Variants in TANGO2 observed in about 807,000 individuals in gnomAD.
The protein encoded by TANGO2 is transport and golgi organization 2 homolog.
In TANGO2, 26 loss-of-function variants were observed where a neutral mutation model predicts 39.1. The observed-to-expected ratio is 0.67, with a 90% CI of 0.49 to 0.92. The LOEUF is 0.92. TANGO2 is among the 40% of genes least tolerant of loss of function. The pLI is 0.00. For synonymous variants in TANGO2, 131 were observed against 144.5 expected, an observed-to-expected ratio of 0.91 and a Z score of 0.67; for missense variants, 326 against 360.1, an observed-to-expected ratio of 0.91 and a Z score of 0.77.
upstream of TANGO2, among the ~76,000 whole-genome samples, chr22:20,018,702 G>A (rs114434965): frequency 6.2e-3 from 940 of 152,318 alleles, 10 homozygotes; most frequent in African/African-American, 0.022. Flanking sequence ...GAGGTCAGAG[G>A]ATGTCGGGGC....
intron 3 of TANGO2, among the ~76,000 whole-genome samples, chr22:20,046,787 A>G (rs1394306752): frequency 6.6e-6 from 1 of 152,064 alleles, no homozygotes; most frequent in East Asian, 1.9e-4. Context: ...TCCTAACGCT[A>G]TCCTTCCCCC....
chr22:20,029,913 G>C (rs546439867), intron 1 of TANGO2, among the ~76,000 whole-genome samples: 1 of 152,300 alleles, frequency 6.6e-6, no homozygotes, highest in African/African-American at 2.4e-5. Flanking sequence ...TCACAAAGGC[G>C]ACCTCTTTTG....
rs760638813 is a variant in TANGO2, at chr22:20,064,568, C to T, written c.737C>T (p.Ala246Val). The T allele has an allele frequency of 2.1e-5, 34 of 1,614,128 alleles. No individual in the cohort carries two copies. Among genetic ancestry groups the T allele is most frequent in the Non-Finnish European group, 2.5e-5 (30 of 1,179,986 alleles). The change falls in exon 9 of 9, where the codon GCG (alanine) becomes GTG (valine). Residue 246 changes from alanine to valine, a missense_variant. Coordinates refer to ENST00000327374, the MANE Select transcript of TANGO2 (RefSeq NM_152906.7). ...ACCAACACTATCATCCTGGTAGATG[C>T]GGACGGCCACGTGACCTTCACTGAG... is the stretch of plus-strand genomic sequence containing the variant. ...TRTNTIILVD[A>V]DGHVTFTERS... is the part of the protein sequence containing the mutation.
intron 1 of TANGO2, among the ~76,000 whole-genome samples, chr22:20,022,224 G>C (rs761256784): frequency 1.2e-4 from 19 of 152,222 alleles, no homozygotes; most frequent in Non-Finnish European, 2.5e-4. Context: ...TGTTCCCAAG[G>C]TCATTCAGAG....
chr22:20,044,588 G>GTTT (rs2147271593), intron 3 of TANGO2, among the ~76,000 whole-genome samples: 1 of 152,318 alleles, frequency 6.6e-6, no homozygotes, highest in South Asian at 2.1e-4. Context: ...GAGGACTCCT[G>GTTT]TGTAGGCCTG....
intron 6 of TANGO2, among the ~76,000 whole-genome samples, chr22:20,059,542 C>T (rs1387729942): frequency 1.3e-5 from 2 of 152,210 alleles, no homozygotes; most frequent in African/African-American, 4.8e-5. Context: ...CTCACCAAAA[C>T]TTGCTATGTT....
At chr22:20,032,733 C>T (rs905822367) in intron 1 of TANGO2, among the ~76,000 whole-genome samples, 3 of 152,224 alleles carry the variant, frequency 2.0e-5, no homozygotes, top group African/African-American at 7.2e-5. Flanking sequence ...TTCGGGCAAC[C>T]TTGAGGGCGA....
chr22:20,023,549 C>T (rs764242819), intron 1 of TANGO2, among the ~76,000 whole-genome samples: 3 of 152,140 alleles, frequency 2.0e-5, no homozygotes, highest in Non-Finnish European at 4.4e-5. Context: ...GAGAGAGTAC[C>T]ACTGTAGAAA....
At position 20,038,937 on chromosome 22, in the gene TANGO2, T is replaced by A. The variant is rs1418914945; in HGVS notation, c.56+2083T>A. Among the ~76,000 whole-genome samples the A allele has an allele frequency of 5.7e-5, 8 of 140,654 alleles. No homozygotes were observed. The South Asian group carries it at 1.1e-3, about 20-fold the overall frequency. The allele number at this position is 140,654 out of a possible 152,430, so 92.3% of individuals were successfully genotyped here. ...TTTAGGCCACTATGTTTTTTTTTTT[T>A]ATTATTATTATTATTATTTTAGAGA... On this transcript the variant is annotated intron_variant, in intron 2 of 8. Transcript: ENST00000327374.
upstream of TANGO2, chr22:20,019,188 C>G (rs74731343): frequency 6.6e-6 from 1 of 152,240 alleles, no homozygotes; most frequent in Non-Finnish European, 1.5e-5. Flanking sequence ...TAGCTCCATG[C>G]GGACAGCTGT....
At chr22:20,045,441 AAAAAG>A (rs1202379448) in intron 3 of TANGO2, among the ~76,000 whole-genome samples, 1 of 152,046 alleles carries the variant, frequency 6.6e-6, no homozygotes, top group Admixed American at 6.6e-5. Flanking sequence ...CTGTCTGAAA[AAAAAG>A]AAAAGAAATG....
At chr22:20,038,951 T>G (rs2043377333) in intron 2 of TANGO2, among the ~76,000 whole-genome samples, 1 of 151,686 alleles carries the variant, frequency 6.6e-6, no homozygotes, top group Admixed American at 6.6e-5. Flanking sequence ...ATTATTATTA[T>G]TATTTTAGAG....
rs555520989 is a variant in TANGO2 at position 20,066,649 on chromosome 22, C to T, written c.*1987C>T. Among the ~76,000 whole-genome samples the T allele has an allele frequency of 3.0e-4, 46 of 152,236 alleles. No individual in the cohort carries two copies. The highest frequency in any genetic ancestry group is 4.6e-4 in the African/African-American group (19 of 41,548). Reference sequence around the variant, plus strand: ...CCCAGGCCTGAGGAGAAACTGAGGCCCCACATCCCATACGTGTCCTCTGAG... The same window carrying T: ...CCCAGGCCTGAGGAGAAACTGAGGCTCCACATCCCATACGTGTCCTCTGAG... On this transcript the variant is annotated 3_prime_UTR_variant, in exon 9 of 9. Transcript: ENST00000327374.
At chr22:20,037,024 AT>A (rs754151401) in intron 2 of TANGO2, 170 bp downstream of exon 2, 23 of 1,567,772 alleles carry the variant, frequency 1.5e-5, no homozygotes, top group Non-Finnish European at 2.0e-5. Context: ...TGCTGTCAGA[AT>A]GCCTCTCGGG....
intron 1 of TANGO2, among the ~76,000 whole-genome samples, chr22:20,022,602 T>G (rs1003535943): frequency 6.6e-6 from 1 of 152,264 alleles, no homozygotes; most frequent in Non-Finnish European, 1.5e-5. Flanking sequence ...TGTGCTTCCT[T>G]GGTCTTCACT....
chr22:20,030,597 G>A (rs1226352345), intron 1 of TANGO2, among the ~76,000 whole-genome samples: 1 of 151,600 alleles, frequency 6.6e-6, no homozygotes, highest in Non-Finnish European at 1.5e-5. Context: ...CACCCACCTT[G>A]GCCTCCCAAA....
intron 3 of TANGO2, among the ~76,000 whole-genome samples, chr22:20,046,377 G>A (rs967133335): frequency 2.0e-5 from 3 of 151,908 alleles, no homozygotes; most frequent in African/African-American, 7.3e-5. Flanking sequence ...CAAAGTCCTG[G>A]CCTGAAGTGA....
intron 8 of TANGO2, among the ~76,000 whole-genome samples, chr22:20,064,128 CCAGA>C (rs1369261904): frequency 1.3e-5 from 2 of 152,200 alleles, no homozygotes; most frequent in African/African-American, 4.8e-5. Flanking sequence ...GGGAAGCCTT[CCAGA>C]CAGAGGAGGC....
chr22:20,032,761 A>C (rs1345723386), intron 1 of TANGO2, among the ~76,000 whole-genome samples: 3 of 152,196 alleles, frequency 2.0e-5, no homozygotes, highest in African/African-American at 7.2e-5. Flanking sequence ...GTGGCACAAG[A>C]GATGCCCTGA....
Sources: gnomAD v4.1 joint callset for allele counts (sites outside exome capture counted in the v4.1 genomes callset) on GRCh38, gnomAD v4.1.1 for gene constraint, MANE v1.5 for transcripts, NCBI Gene and HGNC (gene_info 2026-07-23, HGNC 2026-07-21) for gene names.